TSPAN18: variants seen among roughly 807,000 people sequenced by gnomAD.
TSPAN18 encodes the protein tetraspanin 18.
A neutral mutation model predicts 27.3 loss-of-function variants in TSPAN18; 14 were observed. The observed-to-expected ratio is 0.51, with a 90% CI of 0.34 to 0.80. The LOEUF is 0.80. Ranked by LOEUF, TSPAN18 falls within the 30% of genes least tolerant of loss-of-function variation. The probability of loss-of-function intolerance (pLI) is 0.01; values close to 1 mark genes in which losing one functional copy is unlikely to be tolerated. For synonymous variants in TSPAN18, 143 were observed against 136.5 expected (o/e 1.05, Z -0.33); for missense variants, 268 against 323.9 (o/e 0.83, Z 1.32).
Position 44,776,401 on chromosome 11 carries a change from C to T in TSPAN18, c.-153+11889C>T, listed in dbSNP as rs550005178. Among the ~76,000 whole-genome samples, 299 of 152,112 alleles carry T rather than the reference C, an allele frequency of 2.0e-3. 1 individual carries two copies. Among genetic ancestry groups the T allele is most frequent in the African/African-American group, 6.9e-3 (287 of 41,482 alleles). ...CTGGCTGGGAGACCATTAAGCTTCA[C>T]GAGCCTTGGTTTCTTTATCTGTGAA... On this transcript the variant is annotated intron_variant, in intron 2 of 9. Transcript: ENST00000520358.
At chr11:44,808,566 A>T (rs553758729) in intron 2 of TSPAN18, among the ~76,000 whole-genome samples, 1 of 152,302 alleles carries the variant, frequency 6.6e-6, no homozygotes, top group African/African-American at 2.4e-5. Flanking sequence ...AGTGACATGT[A>T]CAAATACATC....
intron 3 of TSPAN18, among the ~76,000 whole-genome samples, chr11:44,862,242 G>A (rs1055681361): frequency 6.6e-6 from 1 of 152,248 alleles, no homozygotes; most frequent in African/African-American, 2.4e-5. Context: ...GCTGCCCTCC[G>A]CCGCGGCAGC....
intron 2 of TSPAN18, among the ~76,000 whole-genome samples, chr11:44,789,540 G>C (rs546196622): frequency 6.6e-6 from 1 of 152,254 alleles, no homozygotes; most frequent in Non-Finnish European, 1.5e-5. Context: ...AAAAAGTGAG[G>C]CTGGCTTTGG....
chr11:44,834,969 A>C lies in TSPAN18; in HGVS notation c.-152-25359A>C, dbSNP rs144210187. On this transcript the variant is annotated intron_variant, in intron 2 of 9. Coordinates refer to ENST00000520358, the MANE Select transcript of TSPAN18 (RefSeq NM_130783.5). ...TGCTGATCCCACAGGGAAACCTGTA[A>C]GTTTCTGTTAACTTGAGAGGAGAGA... 4.5e-3 allele frequency among the ~76,000 whole-genome samples: 691 copies of C among 152,334 alleles called. 3 individuals are homozygous for C. The highest frequency in any genetic ancestry group is 7.8e-3 in the Non-Finnish European group (533 of 68,018).
intron 1 of TSPAN18, among the ~76,000 whole-genome samples, chr11:44,744,871 G>A (rs1005759970): frequency 5.3e-5 from 8 of 152,146 alleles, no homozygotes; most frequent in South Asian, 2.1e-4. Context: ...AAATGCCAAC[G>A]CTGATCGATT....
At chr11:44,900,407 G>T (rs533490311) in intron 3 of TSPAN18, among the ~76,000 whole-genome samples, 1 of 152,190 alleles carries the variant, frequency 6.6e-6, no homozygotes, top group South Asian at 2.1e-4. Context: ...AGGAGTTGTG[G>T]CCCCAGATTA....
rs150611201 is a variant in TSPAN18 at position 44,751,398 on chromosome 11, G to A, written c.-239-13028G>A. Among the ~76,000 whole-genome samples the A allele has an allele frequency of 3.7e-3, 560 of 152,190 alleles. 5 individuals carry two copies. Among genetic ancestry groups the A allele is most frequent in the African/African-American group, 0.013 (529 of 41,508 alleles). Reference sequence around the variant, plus strand: ...GCTGGCTCTTACTGCATGAATCTGTGATCTTTGGCTAACTGCTTGTGCTTG... The same window carrying A: ...GCTGGCTCTTACTGCATGAATCTGTAATCTTTGGCTAACTGCTTGTGCTTG... On this transcript the variant is annotated intron_variant, in intron 1 of 9. Coordinates refer to ENST00000520358, the MANE Select transcript of TSPAN18 (RefSeq NM_130783.5).
At chr11:44,800,334 C>T (rs1856451897) in intron 2 of TSPAN18, among the ~76,000 whole-genome samples, 1 of 152,162 alleles carries the variant, frequency 6.6e-6, no homozygotes, top group South Asian at 2.1e-4. Context: ...AAGGTATTGC[C>T]AGAGGCCCCA....
chr11:44,775,448 G>C (rs1232751986), intron 2 of TSPAN18, among the ~76,000 whole-genome samples: 2 of 152,154 alleles, frequency 1.3e-5, no homozygotes, highest in African/African-American at 4.8e-5. Context: ...AATCGCTCCT[G>C]TTCCTGCCCA....
chr11:44,883,183 A>G (rs1023716178), intron 3 of TSPAN18, among the ~76,000 whole-genome samples: 3 of 152,268 alleles, frequency 2.0e-5, no homozygotes, highest in African/African-American at 7.2e-5. Flanking sequence ...CTTCCATTTT[A>G]GTGACGTTTC....
At position 44,763,079 on chromosome 11, in the gene TSPAN18, C is replaced by T. The variant is rs115775442; in HGVS notation, c.-239-1347C>T. ...GGGCAAGTTATTTAACTCCTCTGAG[C>T]TCACAGTCCTCATTCCTGAAGTGGT... On this transcript the variant is annotated intron_variant, in intron 1 of 9. Transcript: ENST00000520358. 7.4e-3 allele frequency among the ~76,000 whole-genome samples: 1,125 copies of T among 152,300 alleles called. 12 individuals are homozygous for T. Among genetic ancestry groups the T allele is most frequent in the African/African-American group, 0.026 (1,070 of 41,574 alleles).
intron 4 of TSPAN18, among the ~76,000 whole-genome samples, chr11:44,908,779 GA>G (rs1271311521): frequency 6.6e-5 from 7 of 105,852 alleles, no homozygotes; most frequent in African/African-American, 3.0e-4. Flanking sequence ...GAGAAAGAAA[GA>G]AAGAAAGAAA....
At chr11:44,889,992 A>G (rs1858790002) in intron 3 of TSPAN18, among the ~76,000 whole-genome samples, 1 of 152,186 alleles carries the variant, frequency 6.6e-6, no homozygotes, top group African/African-American at 2.4e-5. Flanking sequence ...AGGCAGGAAG[A>G]TGGCCACGGT....
intron 6 of TSPAN18, among the ~76,000 whole-genome samples, chr11:44,918,282 C>T (rs577675140): frequency 5.3e-5 from 8 of 152,344 alleles, no homozygotes; most frequent in Admixed American, 3.9e-4. Context: ...TCTGGTACAA[C>T]CCCATACCTT....
intron 5 of TSPAN18, among the ~76,000 whole-genome samples, chr11:44,912,721 TTG>T (rs1368675008): frequency 6.6e-6 from 1 of 152,104 alleles, no homozygotes; most frequent in Non-Finnish European, 1.5e-5. Context: ...TCGTGTGTGT[TTG>T]TGTGTACATG....
At chr11:44,860,096 A>C (rs1857837739) in intron 2 of TSPAN18, among the ~76,000 whole-genome samples, 1 of 152,122 alleles carries the variant, frequency 6.6e-6, no homozygotes, top group Admixed American at 6.5e-5. Flanking sequence ...ATGTATTTTT[A>C]CTCAGCACAT....
intron 1 of TSPAN18, among the ~76,000 whole-genome samples, chr11:44,746,061 T>C (rs1234639204): frequency 6.6e-6 from 1 of 152,142 alleles, no homozygotes; most frequent in Non-Finnish European, 1.5e-5. Flanking sequence ...AAGCTGATTC[T>C]AATCAGTTGA....
intron 2 of TSPAN18, among the ~76,000 whole-genome samples, chr11:44,782,839 C>A (rs1001530034): frequency 6.6e-6 from 1 of 152,106 alleles, no homozygotes; most frequent in Non-Finnish European, 1.5e-5. Flanking sequence ...AAGTCATTTG[C>A]TCTTTTTTTT....
chr11:44,791,294 C>T (rs930134850), intron 2 of TSPAN18, among the ~76,000 whole-genome samples: 10 of 152,186 alleles, frequency 6.6e-5, no homozygotes, highest in Non-Finnish European at 1.0e-4. Context: ...AGCCGTGGAG[C>T]CAATCTGCTC....
Sources: allele counts gnomAD v4.1 joint callset (sites outside exome capture counted in the v4.1 genomes callset), GRCh38; gene constraint gnomAD v4.1.1; transcripts MANE v1.5; gene names NCBI Gene and HGNC (gene_info 2026-07-23, HGNC 2026-07-21).